MCM9: variants seen among roughly 807,000 people sequenced by gnomAD.
The protein encoded by MCM9 is DNA helicase MCM9.
MCM9 carries 55 observed loss-of-function variants against 72.8 expected under a neutral mutation model. The observed-to-expected ratio is 0.76, with a 90% CI of 0.61 to 0.95. The LOEUF is 0.95. Ranked by LOEUF, MCM9 falls within the 40% of genes least tolerant of loss-of-function variation. The pLI is 0.00. For synonymous variants in MCM9, 480 were observed against 503.4 expected, an observed-to-expected ratio of 0.95 and a Z score of 0.62; for missense variants, 1,279 against 1,377.0, an observed-to-expected ratio of 0.93 and a Z score of 1.13.
At chr6:118,872,838 A>G (rs1259463717) in intron 8 of MCM9, among the ~76,000 whole-genome samples, 1 of 152,046 alleles carries the variant, frequency 6.6e-6, no homozygotes, top group Non-Finnish European at 1.5e-5. Flanking sequence ...CAAAGTAAGC[A>G]GAAAAAAAAA....
intron 9 of MCM9, among the ~76,000 whole-genome samples, chr6:118,842,203 C>T (rs959304980): frequency 1.3e-5 from 2 of 152,270 alleles, no homozygotes; most frequent in African/African-American, 2.4e-5. Flanking sequence ...GTAGACATTA[C>T]ATATATCATA....
chr6:118,838,935 T>C (rs1775164048), intron 9 of MCM9, among the ~76,000 whole-genome samples: 1 of 152,166 alleles, frequency 6.6e-6, no homozygotes, highest in South Asian at 2.1e-4. Flanking sequence ...AGGAGTATCT[T>C]TGTGGTATTC....
At chr6:118,872,204 AT>A (rs1429811954) in intron 8 of MCM9, among the ~76,000 whole-genome samples, 1 of 151,664 alleles carries the variant, frequency 6.6e-6, no homozygotes, top group Non-Finnish European at 1.5e-5. Context: ...CTGTAGTCCC[AT>A]TTACTCAGGA....
chr6:118,856,335 T>A (rs1776550613), intron 9 of MCM9, 36 bp downstream of exon 9: 3 of 1,507,488 alleles, frequency 2.0e-6, no homozygotes, highest in East Asian at 2.5e-5. Flanking sequence ...TATTAAATAA[T>A]CTCATTATTC....
chr6:118,846,337 A>C (rs900485944), intron 9 of MCM9, among the ~76,000 whole-genome samples: 1 of 151,898 alleles, frequency 6.6e-6, no homozygotes, highest in Non-Finnish European at 1.5e-5. Flanking sequence ...AAACCAGCAA[A>C]GCTAACTCTA....
At chr6:118,917,506 A>T in intron 6 of MCM9, 55 bp downstream of exon 6, 1 of 1,513,430 alleles carries the variant, frequency 6.6e-7, no homozygotes, top group Non-Finnish European at 9.2e-7. Flanking sequence ...CATCATATTT[A>T]ACCACTGAAT....
At chr6:118,872,302 G>C (rs1366261836) in intron 8 of MCM9, among the ~76,000 whole-genome samples, 1 of 145,534 alleles carries the variant, frequency 6.9e-6, no homozygotes, top group African/African-American at 2.5e-5. Context: ...CTGGGCGATG[G>C]AGCAAGACTC....
intron 10 of MCM9, among the ~76,000 whole-genome samples, chr6:118,828,542 C>T (rs11753816): frequency 6.6e-6 from 1 of 152,072 alleles, no homozygotes; most frequent in African/African-American, 2.4e-5. Flanking sequence ...TGCACCACCA[C>T]GCCCAGCTGA....
chr6:118,844,237 G>A (rs1428732791), intron 9 of MCM9, among the ~76,000 whole-genome samples: 1 of 151,722 alleles, frequency 6.6e-6, no homozygotes, highest in African/African-American at 2.4e-5. Flanking sequence ...AGATTAACTG[G>A]CCTCTAATTA....
intron 9 of MCM9, among the ~76,000 whole-genome samples, chr6:118,844,994 C>T (rs1291740459): frequency 6.6e-6 from 1 of 151,840 alleles, no homozygotes; most frequent in African/African-American, 2.4e-5. Flanking sequence ...CTGCCCACAG[C>T]AGTGATTGGC....
intron 9 of MCM9, among the ~76,000 whole-genome samples, chr6:118,830,277 C>T (rs1002838173): frequency 6.6e-6 from 1 of 152,200 alleles, no homozygotes; most frequent in Admixed American, 6.5e-5. Context: ...AGCCCTATGA[C>T]ATCAGCAACA....
intron 8 of MCM9, among the ~76,000 whole-genome samples, chr6:118,878,006 T>TA (rs1322641125): frequency 6.6e-6 from 1 of 151,880 alleles, no homozygotes; most frequent in African/African-American, 2.4e-5. Flanking sequence ...TACAAAAATT[T>TA]AAAAAATTAG....
At chr6:118,889,088 C>A (rs940427718) in intron 8 of MCM9, among the ~76,000 whole-genome samples, 1 of 152,148 alleles carries the variant, frequency 6.6e-6, no homozygotes, top group African/African-American at 2.4e-5. Context: ...AATTCTATCT[C>A]AACAAAGCTG....
chr6:118,843,720 G>T (rs375688895), intron 9 of MCM9, among the ~76,000 whole-genome samples: 1 of 102,006 alleles, frequency 9.8e-6, no homozygotes, highest in East Asian at 2.8e-4. Context: ...ATATATATAT[G>T]TATATATATA....
chr6:118,911,811 AG>A lies in MCM9; in HGVS notation c.1031-43del, dbSNP rs777490943. Reference sequence around the variant, plus strand: ...ACATGAAGTTTTAAATTTCTATAAAAGGGTCCATTTGGAATGCCAACAAAAT... The same window carrying A: ...ACATGAAGTTTTAAATTTCTATAAAAGGTCCATTTGGAATGCCAACAAAAT... On this transcript the variant is annotated intron_variant, in intron 7 of 13. Transcript: ENST00000619706. 1.0e-5 allele frequency: 15 copies of A among 1,501,254 alleles called. No individual in the cohort carries two copies. In the East Asian group the frequency reaches 3.4e-4, roughly 34 times the overall value. 93.0% of individuals were successfully genotyped at this position (1,501,254 alleles called of 1,614,324 possible). A position where few individuals can be genotyped will look rare whatever the true frequency, so the allele number is the denominator to read the frequency against.
intron 8 of MCM9, among the ~76,000 whole-genome samples, chr6:118,866,912 T>C (rs1301800996): frequency 1.3e-5 from 2 of 152,078 alleles, no homozygotes. Context: ...ACACAGAGTG[T>C]TGAAAGCAGT....
intron 8 of MCM9, among the ~76,000 whole-genome samples, chr6:118,905,160 A>G (rs1169939024): frequency 6.6e-6 from 1 of 152,168 alleles, no homozygotes; most frequent in Non-Finnish European, 1.5e-5. Flanking sequence ...ATACTAATTT[A>G]CTATTAGAAT....
intron 8 of MCM9, among the ~76,000 whole-genome samples, chr6:118,889,628 G>C (rs1267792533): frequency 6.6e-6 from 1 of 152,174 alleles, no homozygotes; most frequent in Non-Finnish European, 1.5e-5. Flanking sequence ...GAAAGACCTT[G>C]ATTGATAAGA....
Position 118,824,345 on chromosome 6 carries a change from C to CTTTTTTTTTTTTTT in MCM9, c.1961+1801_1961+1802insAAAAAAAAAAAAAA, listed in dbSNP as rs781078527. 3.7e-4 allele frequency among the ~76,000 whole-genome samples: 55 copies of CTTTTTTTTTTTTTT among 148,820 alleles called. 3 individuals carry two copies. The highest frequency in any genetic ancestry group is 3.6e-3 in the South Asian group (17 of 4,690). The stretch of plus-strand genomic sequence containing the variant: ...ACTAAGCCCTATTATTTTAGTCTTT[C>CTTTTTTTTTTTTTT]TTTTTTTTTCAGATGGAGTTTCACT... On this transcript the variant is annotated intron_variant, in intron 13 of 13. Coordinates refer to ENST00000619706, the MANE Select transcript of MCM9 (RefSeq NM_017696.3).
Sources: gnomAD v4.1 joint callset for allele counts (sites outside exome capture counted in the v4.1 genomes callset) on GRCh38, gnomAD v4.1.1 for gene constraint, MANE v1.5 for transcripts, NCBI Gene and HGNC (gene_info 2026-07-23, HGNC 2026-07-21) for gene names.